The following P4HA3 variants were observed in gnomAD, a reference collection of about 807,000 sequenced individuals.
P4HA3 encodes prolyl 4-hydroxylase subunit alpha 3.
P4HA3 carries 60 observed loss-of-function variants against 66.7 expected under a neutral mutation model. That is an observed-to-expected ratio of 0.90 (90% CI 0.73 to 1.12). The LOEUF (loss-of-function observed/expected upper bound fraction) is 1.12, where lower values mean the gene tolerates loss of function less well. Ranked by LOEUF, P4HA3 falls within the 50% of genes most tolerant of loss-of-function variation. P4HA3 has a pLI of 0.00. For missense variants in P4HA3, 683 were observed against 685.8 expected, an observed-to-expected ratio of 1.00 and a Z score of 0.05; for synonymous variants, 263 against 274.6, an observed-to-expected ratio of 0.96 and a Z score of 0.42.
At chr11:74,297,146 G>T (rs1412166773) in intron 4 of P4HA3, among the ~76,000 whole-genome samples, 1 of 151,826 alleles carries the variant, frequency 6.6e-6, no homozygotes, top group African/African-American at 2.4e-5. Flanking sequence ...TAGAGATGGG[G>T]TTTCTCCATG....
intron 15 of P4HA3, chr11:74,251,409 C>T: frequency 1.4e-6 from 2 of 1,379,654 alleles, no homozygotes; most frequent in Non-Finnish European, 1.9e-6. Context: ...TCTGAGGGCA[C>T]ACATAAGCCC....
chr11:74,291,761 A>G (rs1366393104), intron 4 of P4HA3, among the ~76,000 whole-genome samples: 1 of 152,202 alleles, frequency 6.6e-6, no homozygotes, highest in East Asian at 1.9e-4. Flanking sequence ...TGATTTGCAT[A>G]TGTTGAATCA....
chr11:74,279,278 AG>A (rs1375294255), intron 8 of P4HA3, 109 bp downstream of exon 8: 1 of 969,868 alleles, frequency 1.0e-6, no homozygotes, highest in Non-Finnish European at 1.7e-6. Context: ...AACGTGAACT[AG>A]GGATTCTCCA....
intron 1 of P4HA3, among the ~76,000 whole-genome samples, chr11:74,304,826 C>T (rs1486719524): frequency 6.6e-6 from 1 of 152,076 alleles, no homozygotes; most frequent in Non-Finnish European, 1.5e-5. Context: ...ATAGTGGTCC[C>T]CAACCTTTTT....
intron 11 of P4HA3, among the ~76,000 whole-genome samples, chr11:74,268,938 T>G (rs11236040): frequency 3.3e-5 from 5 of 152,320 alleles, no homozygotes; most frequent in East Asian, 3.9e-4. Flanking sequence ...CTTTCCAGGA[T>G]GCATTGGCAG....
intron 15 of P4HA3, chr11:74,251,628 A>G: frequency 6.2e-7 from 1 of 1,611,750 alleles, no homozygotes; most frequent in Non-Finnish European, 8.5e-7. Context: ...TATGGCCTGG[A>G]ATATCTCTCC....
chr11:74,303,946 A>T (rs938064770), intron 2 of P4HA3, among the ~76,000 whole-genome samples: 3 of 152,156 alleles, frequency 2.0e-5, no homozygotes, highest in African/African-American at 7.2e-5. Flanking sequence ...TATAGATGAC[A>T]CTGTAGTGAC....
chr11:74,276,870 T>C, intron 9 of P4HA3, 115 bp downstream of exon 9: 3 of 1,153,782 alleles, frequency 2.6e-6, no homozygotes, highest in Non-Finnish European at 3.5e-6. Flanking sequence ...AAAAGAACCT[T>C]TGTTCTAAGA....
At chr11:74,305,855 A>C (rs1216143748) in intron 1 of P4HA3, among the ~76,000 whole-genome samples, 1 of 152,226 alleles carries the variant, frequency 6.6e-6, no homozygotes, top group Non-Finnish European at 1.5e-5. Context: ...TAAGGAAATA[A>C]TCTTGGTCTC....
At chr11:74,293,041 T>C (rs1037662300) in intron 4 of P4HA3, among the ~76,000 whole-genome samples, 12 of 152,046 alleles carry the variant, frequency 7.9e-5, no homozygotes, top group African/African-American at 2.4e-4. Context: ...ATGTTGACAG[T>C]GGGGTGTTAA....
chr11:74,302,437 T>C lies in P4HA3; in HGVS notation c.499A>G (p.Ile167Val). 1.2e-6 allele frequency: 2 copies of C among 1,614,154 alleles called. No individual in the cohort carries two copies. Among genetic ancestry groups the C allele is most frequent in the Non-Finnish European group, 1.7e-6 (2 of 1,180,022 alleles). ...GVFQRVTGSA[I>V]TDLYSPKRLF... ...CGTTTGGGGCTGTACAGGTCAGTGA[T>C]GGCAGAGCCAGTGACTCTCTGAAAG... The change falls in exon 3 of 13, where the codon ATC (isoleucine) becomes GTC (valine). Residue 167 changes from isoleucine (I) to valine (V), a missense_variant. By Grantham distance (29) the Ile-to-Val change is conservative (BLOSUM62 3). Coordinates refer to ENST00000331597, the MANE Select transcript of P4HA3 (RefSeq NM_182904.5).
At chr11:74,291,859 G>A (rs1591121275) in intron 4 of P4HA3, among the ~76,000 whole-genome samples, 1 of 152,094 alleles carries the variant, frequency 6.6e-6, no homozygotes, top group East Asian at 1.9e-4. Context: ...GTATTTTATT[G>A]AGGATTTTTG....
At chr11:74,311,118 A>C (rs10898977) in intron 1 of P4HA3, among the ~76,000 whole-genome samples, 2 of 151,728 alleles carry the variant, frequency 1.3e-5, no homozygotes, top group African/African-American at 2.4e-5. Flanking sequence ...GGGTGCCACT[A>C]TGTGTGTGAT....
rs2134796179 is a variant in P4HA3 at position 74,294,960 on chromosome 11, T to A, written c.717+3252A>T. On this transcript the variant is annotated intron_variant, in intron 4 of 12. Transcript: ENST00000331597. ...AGCTGCATGCTGGAAGAACCACTAC[T>A]CTCTTCAAAGCTCAGTTGGAAATGC... Among the ~76,000 whole-genome samples the A allele has an allele frequency of 1.3e-5, 2 of 152,240 alleles. 1 individual carries two copies. The highest frequency in any genetic ancestry group is 1.3e-4 in the Admixed American group (2 of 15,288).
intron 15 of P4HA3, among the ~76,000 whole-genome samples, chr11:74,259,297 T>G (rs1417753662): frequency 6.6e-6 from 1 of 152,162 alleles, no homozygotes; most frequent in African/African-American, 2.4e-5. Context: ...GAGAATTGCT[T>G]GAACCCAGGA....
downstream of P4HA3, among the ~76,000 whole-genome samples, chr11:74,261,698 G>C (rs572655108): frequency 6.6e-6 from 1 of 151,964 alleles, no homozygotes; most frequent in South Asian, 2.1e-4. Flanking sequence ...TTCAAGGTCA[G>C]AGACTCAATC....
At position 74,250,681 on chromosome 11, in the gene P4HA3, C is replaced by T. The variant is rs1200036308; in HGVS notation, c.*1319-2680G>A. ...TTACTCCCCTACTGGACTGTAAATC[C>T]CCTGAGGACAAGAACTGTTTCTTCT... On this transcript the variant is annotated intron_variant and NMD_transcript_variant, in intron 15 of 15. Coordinates refer to the P4HA3 transcript ENST00000524388. The T allele has an allele frequency of 2.3e-5, 9 of 391,810 alleles. No individual in the cohort carries two copies. In the Admixed American group the frequency reaches 3.5e-4, roughly 15 times the overall value. 24.3% of individuals were successfully genotyped at this position (391,810 alleles called of 1,614,324 possible). A position where few individuals can be genotyped will look rare whatever the true frequency, so the allele number is the denominator to read the frequency against.
At chr11:74,287,080 G>A in intron 5 of P4HA3, 2 of 1,162,270 alleles carry the variant, frequency 1.7e-6, no homozygotes, top group South Asian at 1.7e-5. Context: ...GGGCCCTTGG[G>A]AAACCCAATA....
intron 4 of P4HA3, among the ~76,000 whole-genome samples, chr11:74,296,259 T>C (rs938538131): frequency 6.6e-6 from 1 of 152,248 alleles, no homozygotes; most frequent in Non-Finnish European, 1.5e-5. Context: ...GCTAAATAAG[T>C]TGCCTATGTT....
Sources: gnomAD v4.1 joint callset for allele counts (sites outside exome capture counted in the v4.1 genomes callset) on GRCh38, gnomAD v4.1.1 for gene constraint, MANE v1.5 for transcripts, NCBI Gene and HGNC (gene_info 2026-07-23, HGNC 2026-07-21) for gene names.